The following ZSCAN30 variants were observed in gnomAD, a reference collection of about 807,000 sequenced individuals.
The protein encoded by ZSCAN30 is zinc finger and SCAN domain containing 30.
In ZSCAN30, 37 loss-of-function variants were observed where a neutral mutation model predicts 44.3. The observed-to-expected ratio is 0.84, with a 90% confidence interval of 0.64 to 1.10. ZSCAN30 has a LOEUF of 1.10. ZSCAN30 is among the 50% of genes least tolerant of loss of function. The pLI, the probability that ZSCAN30 is intolerant of heterozygous loss-of-function variation, is 0.00. For missense variants in ZSCAN30, 549 were observed against 582.6 expected, an observed-to-expected ratio of 0.94 and a Z score of 0.59; for synonymous variants, 181 against 204.6, an observed-to-expected ratio of 0.88 and a Z score of 0.98.
intron 1 of ZSCAN30, chr18:35,281,801 T>C (rs2044460676): frequency 6.6e-6 from 1 of 152,164 alleles, no homozygotes; most frequent in African/African-American, 2.4e-5. Context: ...ATAAGACATA[T>C]TAGCTCCTGT....
intron 1 of ZSCAN30, chr18:35,269,163 G>A (rs2044221971): frequency 6.6e-6 from 1 of 152,236 alleles, no homozygotes; most frequent in Non-Finnish European, 1.5e-5. Flanking sequence ...TTCAAGTGAT[G>A]TTCTGTATCT....
At position 35,253,411 on chromosome 18, in the gene ZSCAN30, T is replaced by C; in HGVS notation, c.*39A>G. ...GTGGAGTCTCACCCCTACAGTGAAC[T>C]CCTTGCATTTCACAATTGTACAACT... On this transcript the variant is annotated 3_prime_UTR_variant, in exon 4 of 4. Transcript: ENST00000333206. 1 of 1,510,398 alleles carries C rather than the reference T, an allele frequency of 6.6e-7. No individual in the cohort carries two copies. The highest frequency in any genetic ancestry group is 8.9e-7 in the Non-Finnish European group (1 of 1,125,736). 93.6% of individuals were successfully genotyped at this position (1,510,398 alleles called of 1,614,324 possible).
intron 1 of ZSCAN30, among the ~76,000 whole-genome samples, chr18:35,274,062 C>G (rs911077845): frequency 7.2e-5 from 11 of 152,114 alleles, no homozygotes; most frequent in African/African-American, 2.7e-4. Context: ...GTTGCTCAGG[C>G]TGGAGTGCAG....
Position 35,253,848 on chromosome 18 carries a change from C to G in ZSCAN30, c.1087G>C (p.Gly363Arg). The change falls in exon 4 of 4, where the codon GGA becomes CGA. Residue 363 changes from glycine to arginine, a missense_variant. Coordinates refer to ENST00000333206, the MANE Select transcript of ZSCAN30 (RefSeq NM_001112734.4). ...TCTGAACTGCCCCTGAAGGCTTTTCCACATTCACAACATTCATAGGGTTTT... is the reference window on the plus strand; with the variant it reads ...TCTGAACTGCCCCTGAAGGCTTTTCGACATTCACAACATTCATAGGGTTTT... ...GEKPYECCECGKAFRGSSELI... is the reference protein window; with the variant it reads ...GEKPYECCECRKAFRGSSELI... The G allele has an allele frequency of 6.2e-7, 1 of 1,614,202 alleles. No individual in the cohort carries two copies. Among genetic ancestry groups the G allele is most frequent in the Non-Finnish European group, 8.5e-7 (1 of 1,180,038 alleles).
chr18:35,255,118 A>T (rs2043755174), intron 3 of ZSCAN30: 1 of 151,734 alleles, frequency 6.6e-6, no homozygotes, highest in African/African-American at 2.4e-5. Flanking sequence ...AAGGGGATGG[A>T]GACAACTCCT....
intron 3 of ZSCAN30, among the ~76,000 whole-genome samples, chr18:35,254,795 G>T (rs1360148987): frequency 6.6e-6 from 1 of 152,190 alleles, no homozygotes; most frequent in African/African-American, 2.4e-5. Context: ...TAAATCTGTG[G>T]TCTTCTATCA....
At chr18:35,277,312 T>G (rs1034507446) in intron 1 of ZSCAN30, among the ~76,000 whole-genome samples, 8 of 152,150 alleles carry the variant, frequency 5.3e-5, no homozygotes, top group Non-Finnish European at 1.0e-4. Flanking sequence ...TGGAAAGGCA[T>G]GATCATGTTT....
At chr18:35,284,694 G>A (rs1168716079) in intron 1 of ZSCAN30, 3 of 155,052 alleles carry the variant, frequency 1.9e-5, no homozygotes, top group African/African-American at 7.2e-5. Flanking sequence ...TGCCTTCCCA[G>A]GCCCCTAGAG....
At chr18:35,265,505 TTTTA>T (rs2044130941) in intron 1 of ZSCAN30, among the ~76,000 whole-genome samples, 1 of 152,218 alleles carries the variant, frequency 6.6e-6, no homozygotes, top group Non-Finnish European at 1.5e-5. Context: ...TACTTGCTCT[TTTTA>T]TTTCTTTTTA....
chr18:35,254,469 G>A (rs542856066), intron 3 of ZSCAN30, 88 bp from the exon 4 acceptor site: 2 of 1,596,612 alleles, frequency 1.3e-6, no homozygotes, highest in African/African-American at 1.3e-5. Context: ...CAATGAAATA[G>A]GTATTTATTT....
At chr18:35,269,137 G>C (rs2044221443) in intron 1 of ZSCAN30, 1 of 152,250 alleles carries the variant, frequency 6.6e-6, no homozygotes, top group African/African-American at 2.4e-5. Context: ...AACGGCCAAT[G>C]ACTGGAAGAG....
rs2044087291 is a variant in ZSCAN30, at chr18:35,263,820, T to C, written c.408+125A>G. Reference sequence around the variant, plus strand: ...TAGTGACTTGAACCCAATGAGTGAATAATTAATAACCCAAAAGAAAGAAAC... The same window carrying C: ...TAGTGACTTGAACCCAATGAGTGAACAATTAATAACCCAAAAGAAAGAAAC... On this transcript the variant is annotated intron_variant, in intron 2 of 3. Transcript: ENST00000333206. 4 of 1,419,044 alleles carry C rather than the reference T, an allele frequency of 2.8e-6. No individual in the cohort carries two copies. The Admixed American group carries it at 9.2e-5, about 33-fold the overall frequency. 87.9% of individuals were successfully genotyped at this position (1,419,044 alleles called of 1,614,324 possible). A position where few individuals can be genotyped will look rare whatever the true frequency, so the allele number is the denominator to read the frequency against.
rs531428266 is a variant in ZSCAN30, at chr18:35,269,515, C to G, written c.-103-5060G>C. The G allele has an allele frequency of 6.0e-5, 9 of 150,266 alleles. No homozygotes were observed. The East Asian group carries it at 1.6e-3, about 26-fold the overall frequency. 9.3% of individuals were successfully genotyped at this position (150,266 alleles called of 1,614,324 possible). On this transcript the variant is annotated intron_variant, in intron 1 of 3. Coordinates refer to ENST00000333206, the MANE Select transcript of ZSCAN30 (RefSeq NM_001112734.4). ...AATAGAAAGAATAATATCTGCAGGG[C>G]AGGTATGGGGATCCACCATCTTAAG...
intron 3 of ZSCAN30, among the ~76,000 whole-genome samples, chr18:35,259,865 T>C (rs188368222): frequency 6.6e-6 from 1 of 152,350 alleles, no homozygotes; most frequent in East Asian, 1.9e-4. Flanking sequence ...TTTTCTTTTT[T>C]AAAAGTTTAA....
Position 35,254,060 on chromosome 18 carries a change from T to C in ZSCAN30, c.875A>G (p.Gln292Arg). ...GAGCTTTTCCCTAGTGTCAACGCTC[T>C]GTTGTGTAATATCATTTGAATTCAT... is the stretch of plus-strand genomic sequence containing the variant. ...FSMNSNDITQ[Q>R]SVDTREKLYE... Residue 292 changes from glutamine to arginine, a missense_variant, in exon 4 of 4, where the codon CAG becomes CGG. Gln to Arg is a conservative substitution (Grantham distance 43). Coordinates refer to ENST00000333206, the MANE Select transcript of ZSCAN30 (RefSeq NM_001112734.4). 1.2e-6 allele frequency: 2 copies of C among 1,614,204 alleles called. No homozygotes were observed. The highest frequency in any genetic ancestry group is 8.5e-7 in the Non-Finnish European group (1 of 1,180,014).
chr18:35,270,952 C>T (rs1305897984), intron 1 of ZSCAN30, among the ~76,000 whole-genome samples: 4 of 152,122 alleles, frequency 2.6e-5, no homozygotes, highest in Non-Finnish European at 4.4e-5. Flanking sequence ...GTTAACAACT[C>T]TTAAGGTGGT....
chr18:35,286,436 A>T (rs1477263409), intron 1 of ZSCAN30, among the ~76,000 whole-genome samples: 2 of 152,188 alleles, frequency 1.3e-5, no homozygotes, highest in Non-Finnish European at 1.5e-5. Flanking sequence ...AGGATAATAC[A>T]TCACAGTGAA....
Position 35,263,455 on chromosome 18 carries a change from G to A in ZSCAN30, c.553+58C>T, listed in dbSNP as rs756193701. The stretch of plus-strand genomic sequence containing the variant: ...GGCTGTCGTTAAGAAAATGAACCGT[G>A]CCACAGTTGATAGCTCTCACCTCCA... On this transcript the variant is annotated intron_variant, in intron 3 of 3. Coordinates refer to ENST00000333206, the MANE Select transcript of ZSCAN30 (RefSeq NM_001112734.4). The A allele has an allele frequency of 1.9e-6, 3 of 1,601,830 alleles. No homozygotes were observed. In the African/African-American group the frequency reaches 4.0e-5, roughly 21 times the overall value.
At chr18:35,275,883 G>A (rs1033540746) in intron 1 of ZSCAN30, among the ~76,000 whole-genome samples, 1 of 151,886 alleles carries the variant, frequency 6.6e-6, no homozygotes, top group Non-Finnish European at 1.5e-5. Context: ...TCTCTTCAAC[G>A]TTTGTTTTTT....
Sources: gnomAD v4.1 joint callset for allele counts (sites outside exome capture counted in the v4.1 genomes callset) on GRCh38, gnomAD v4.1.1 for gene constraint, MANE v1.5 for transcripts, NCBI Gene and HGNC (gene_info 2026-07-23, HGNC 2026-07-21) for gene names.